The following STK40 variants were observed in gnomAD, a reference collection of about 807,000 sequenced individuals.
STK40 encodes the protein serine/threonine-protein kinase 40.
STK40 carries 13 observed loss-of-function variants against 47.9 expected under a neutral mutation model. The observed-to-expected ratio is 0.27, with a 90% CI of 0.18 to 0.43. The LOEUF (loss-of-function observed/expected upper bound fraction) is 0.43. Among genes scored for constraint, STK40 ranks in the 20% least tolerant of loss-of-function variants. STK40 has a pLI of 1.00. For synonymous variants in STK40, 225 were observed against 243.2 expected, an observed-to-expected ratio of 0.93 and a Z score of 0.69; for missense variants, 460 against 595.1, an observed-to-expected ratio of 0.77 and a Z score of 2.36.
intron 7 of STK40, 79 bp from the exon 8 acceptor site, chr1:36,344,343 C>T: frequency 2.0e-6 from 3 of 1,487,060 alleles, no homozygotes; most frequent in Non-Finnish European, 1.8e-6. Context: ...CACCTGGGAC[C>T]CTCCACCTGC....
chr1:36,372,769 G>T (rs1385456300), intron 1 of STK40: 2 of 152,338 alleles, frequency 1.3e-5, no homozygotes, highest in South Asian at 4.1e-4. Context: ...GCCGAGCGGG[G>T]CCTCTCTGGA....
intron 1 of STK40, among the ~76,000 whole-genome samples, chr1:36,363,863 T>C (rs1646877076): frequency 7.6e-6 from 1 of 131,918 alleles, no homozygotes; most frequent in Non-Finnish European, 1.6e-5. Flanking sequence ...CAAGTATACA[T>C]CTTGTCAGCC....
chr1:36,357,543 C>T (rs1646815238), intron 4 of STK40, among the ~76,000 whole-genome samples: 1 of 152,158 alleles, frequency 6.6e-6, no homozygotes, highest in African/African-American at 2.4e-5. Flanking sequence ...GGGATCTGAC[C>T]ACCTGTTCTT....
chr1:36,345,989 A>ATTT (rs1330462605), intron 7 of STK40, among the ~76,000 whole-genome samples: 1 of 19,584 alleles, frequency 5.1e-5, no homozygotes, highest in East Asian at 1.7e-3. Flanking sequence ...ATATATATAT[A>ATTT]TATTTTTTTT....
chr1:36,363,191 G>A (rs1159538030), intron 1 of STK40, among the ~76,000 whole-genome samples: 1 of 152,036 alleles, frequency 6.6e-6, no homozygotes, highest in African/African-American at 2.4e-5. Flanking sequence ...GTGGGCGCCT[G>A]TCTCGGGAGG....
chr1:36,356,457 A>G (rs559479639), intron 4 of STK40, among the ~76,000 whole-genome samples: 243 of 117,686 alleles, frequency 2.1e-3, no homozygotes, highest in Middle Eastern at 0.017. Flanking sequence ...ACGGAGTCTC[A>G]CTCTGTTGCC....
chr1:36,343,137 T>C, intron 10 of STK40: 1 of 671,778 alleles, frequency 1.5e-6, no homozygotes, highest in Non-Finnish European at 2.7e-6. Flanking sequence ...CTCGGCTGTC[T>C]CACAGGTCTC....
chr1:36,372,843 C>T (rs1193841789), intron 1 of STK40: 2 of 152,192 alleles, frequency 1.3e-5, no homozygotes, highest in African/African-American at 4.8e-5. Context: ...GGCAGCATCC[C>T]CCACCCTTCC....
At chr1:36,342,276 C>A in intron 10 of STK40, 1 of 409,012 alleles carries the variant, frequency 2.4e-6, no homozygotes, top group Non-Finnish European at 4.6e-6. Flanking sequence ...AGCTGTCTGG[C>A]CCCTCGCAAA....
Position 36,363,352 on chromosome 1 carries a change from C to G in STK40, c.-8-2012G>C, listed in dbSNP as rs145150013. ...AAATTGTATAGTATGTGAAATACAT[C>G]TCAATAAAGCTGTAAAAAACAAAAC... On this transcript the variant is annotated intron_variant, in intron 1 of 10. Coordinates refer to ENST00000373132, the MANE Select transcript of STK40 (RefSeq NM_001282547.2). Among the ~76,000 whole-genome samples, 8 of 152,130 alleles carry G rather than the reference C, an allele frequency of 5.3e-5. No individual in the cohort carries two copies. The East Asian group carries it at 1.4e-3, about 26-fold the overall frequency.
At chr1:36,380,878 C>T (rs2124754511) in intron 1 of STK40, among the ~76,000 whole-genome samples, 1 of 152,324 alleles carries the variant, frequency 6.6e-6, no homozygotes, top group South Asian at 2.1e-4. Flanking sequence ...AACTGATCCT[C>T]TCCCGAGAGG....
intron 1 of STK40, among the ~76,000 whole-genome samples, chr1:36,365,067 C>A (rs1042836242): frequency 6.6e-6 from 1 of 150,908 alleles, no homozygotes; most frequent in Non-Finnish European, 1.5e-5. Flanking sequence ...TCTTGGCTCA[C>A]CGCAACCTCC....
At chr1:36,358,214 A>G (rs1272372273) in intron 4 of STK40, 25 bp downstream of exon 4, 3 of 1,562,276 alleles carry the variant, frequency 1.9e-6, no homozygotes, top group East Asian at 2.3e-5. Flanking sequence ...GGTGAGCGCG[A>G]AGGGTGAGGG....
intron 1 of STK40, among the ~76,000 whole-genome samples, chr1:36,371,281 G>A (rs1038721681): frequency 6.6e-6 from 1 of 151,738 alleles, no homozygotes; most frequent in African/African-American, 2.4e-5. Context: ...AGGGCCGGGC[G>A]TGGTGGCTCA....
At chr1:36,345,493 C>T (rs1239671327) in intron 7 of STK40, among the ~76,000 whole-genome samples, 1 of 152,176 alleles carries the variant, frequency 6.6e-6, no homozygotes, top group Non-Finnish European at 1.5e-5. Flanking sequence ...TGAGCTTCTC[C>T]CAAGCTCTTT....
intron 1 of STK40, among the ~76,000 whole-genome samples, chr1:36,377,624 G>A (rs1647003163): frequency 6.6e-6 from 1 of 151,980 alleles, no homozygotes; most frequent in Non-Finnish European, 1.5e-5. Flanking sequence ...GGCCTGGGAA[G>A]AGGTGTAAGC....
At chr1:36,355,734 G>A (rs1646797964) in intron 4 of STK40, among the ~76,000 whole-genome samples, 1 of 152,198 alleles carries the variant, frequency 6.6e-6, no homozygotes, top group Non-Finnish European at 1.5e-5. Flanking sequence ...TGGGCATTTA[G>A]AGCCCAAGGG....
intron 1 of STK40, among the ~76,000 whole-genome samples, chr1:36,369,382 C>T (rs1361211010): frequency 6.6e-6 from 1 of 152,156 alleles, no homozygotes; most frequent in East Asian, 1.9e-4. Flanking sequence ...CGTCTCTCTG[C>T]CTGCTGTGGA....
At chr1:36,363,022 G>A (rs1218227605) in intron 1 of STK40, among the ~76,000 whole-genome samples, 1 of 152,112 alleles carries the variant, frequency 6.6e-6, no homozygotes. Flanking sequence ...TGGTCCTGGT[G>A]GTGCACACCT....
Sources: gnomAD v4.1 joint callset for allele counts (sites outside exome capture counted in the v4.1 genomes callset) on GRCh38, gnomAD v4.1.1 for gene constraint, MANE v1.5 for transcripts, NCBI Gene and HGNC (gene_info 2026-07-23, HGNC 2026-07-21) for gene names.